The following KCNQ5 variants were observed in gnomAD, a reference collection of about 807,000 sequenced individuals.
KCNQ5 encodes the protein potassium voltage-gated channel subfamily Q member 5.
Under a neutral mutation model 98.2 loss-of-function variants are expected in KCNQ5, and 30 were observed. The ratio of observed to expected loss-of-function variants is 0.31; its 90% CI spans 0.23 to 0.41. The LOEUF is 0.41. Ranked by LOEUF, KCNQ5 falls within the 10% of genes least tolerant of loss-of-function variation. KCNQ5 has a pLI of 1.00. For missense variants in KCNQ5, 835 were observed against 1,182.5 expected (o/e 0.71, Z 4.31); for synonymous variants, 458 against 449.4 (o/e 1.02, Z -0.24).
intron 1 of KCNQ5, among the ~76,000 whole-genome samples, chr6:72,768,673 A>G (rs1409000417): frequency 6.6e-6 from 1 of 152,086 alleles, no homozygotes; most frequent in Non-Finnish European, 1.5e-5. Flanking sequence ...GTAGGTAAAA[A>G]TAAGTGGCCC....
intron 6 of KCNQ5, among the ~76,000 whole-genome samples, chr6:73,107,973 A>G (rs1775072679): frequency 6.8e-6 from 1 of 147,140 alleles, no homozygotes; most frequent in South Asian, 2.1e-4. Context: ...TCTGCCAACC[A>G]AAAGAGTTGT....
chr6:72,877,848 G>A (rs1003674966), intron 1 of KCNQ5, among the ~76,000 whole-genome samples: 2 of 152,236 alleles, frequency 1.3e-5, no homozygotes, highest in East Asian at 1.9e-4. Context: ...TTCATTGGCC[G>A]CAGATCTCAT....
chr6:72,752,468 C>T (rs1290964076), intron 1 of KCNQ5, among the ~76,000 whole-genome samples: 1 of 152,070 alleles, frequency 6.6e-6, no homozygotes, highest in African/African-American at 2.4e-5. Flanking sequence ...TAGGTAACAA[C>T]TATATCTCAA....
At chr6:72,712,517 T>G (rs573765728) in intron 1 of KCNQ5, among the ~76,000 whole-genome samples, 2 of 152,214 alleles carry the variant, frequency 1.3e-5, no homozygotes, top group Non-Finnish European at 2.9e-5. Flanking sequence ...TTGTGTAAGA[T>G]TTACCTCAGT....
At chr6:72,842,447 T>C (rs1582395532) in intron 1 of KCNQ5, among the ~76,000 whole-genome samples, 1 of 152,192 alleles carries the variant, frequency 6.6e-6, no homozygotes, top group East Asian at 1.9e-4. Flanking sequence ...ACCGTTATAG[T>C]AATCCTCATT....
chr6:73,097,996 T>C (rs971241662), intron 5 of KCNQ5, among the ~76,000 whole-genome samples: 1 of 151,972 alleles, frequency 6.6e-6, no homozygotes, highest in African/African-American at 2.4e-5. Flanking sequence ...AACCTCAAGA[T>C]AATCCAGGAA....
intron 1 of KCNQ5, among the ~76,000 whole-genome samples, chr6:72,928,562 C>G (rs1765544026): frequency 6.6e-6 from 1 of 152,010 alleles, no homozygotes; most frequent in South Asian, 2.1e-4. Context: ...AGATTGTAAG[C>G]AGAAGGCCCC....
intron 6 of KCNQ5, among the ~76,000 whole-genome samples, chr6:73,109,711 C>T (rs1260165305): frequency 6.6e-6 from 1 of 152,068 alleles, no homozygotes; most frequent in East Asian, 1.9e-4. Context: ...TTAGTTTGTA[C>T]AATCACAACC....
At position 72,700,182 on chromosome 6, in the gene KCNQ5, TCA is replaced by T. The variant is rs202096250; in HGVS notation, c.398+77598_398+77599del. On this transcript the variant is annotated intron_variant, in intron 1 of 13. Transcript: ENST00000370398. ...CCCAACTCTTAAATGGGCAGGAAGC[TCA>T]CATAACTCATAACTAACAAAGCTGG... Among the ~76,000 whole-genome samples the T allele has an allele frequency of 3.3e-3, 498 of 152,340 alleles. 1 individual carries two copies. Among genetic ancestry groups the T allele is most frequent in the African/African-American group, 0.011 (469 of 41,570 alleles).
intron 10 of KCNQ5, among the ~76,000 whole-genome samples, chr6:73,155,832 G>GT (rs1315860672): frequency 6.6e-6 from 1 of 152,108 alleles, no homozygotes; most frequent in East Asian, 1.9e-4. Flanking sequence ...GAAAAGCAAA[G>GT]TGAAAATAAA....
intron 1 of KCNQ5, among the ~76,000 whole-genome samples, chr6:72,860,756 A>G (rs1777729688): frequency 6.6e-6 from 1 of 152,088 alleles, no homozygotes; most frequent in Non-Finnish European, 1.5e-5. Flanking sequence ...ACTTTGAGGT[A>G]TGAATATAAC....
chr6:73,006,891 G>T (rs566912659), intron 2 of KCNQ5, among the ~76,000 whole-genome samples: 5 of 152,148 alleles, frequency 3.3e-5, no homozygotes, highest in African/African-American at 9.6e-5. Flanking sequence ...CAAGTGAAAG[G>T]CACCGACACT....
At chr6:73,026,379 C>CA (rs1375471788) in intron 2 of KCNQ5, among the ~76,000 whole-genome samples, 1 of 152,200 alleles carries the variant, frequency 6.6e-6, no homozygotes, top group Non-Finnish European at 1.5e-5. Flanking sequence ...CATTCACACT[C>CA]AGAGTTTTTG....
chr6:72,928,303 AC>A lies in KCNQ5; in HGVS notation c.399-75604del, dbSNP rs1326826557. 5.3e-5 allele frequency among the ~76,000 whole-genome samples: 8 copies of A among 152,182 alleles called. No homozygotes were observed. The East Asian group carries it at 1.5e-3, about 29-fold the overall frequency. On this transcript the variant is annotated intron_variant, in intron 1 of 13. Coordinates refer to ENST00000370398, the MANE Select transcript of KCNQ5 (RefSeq NM_019842.4). The stretch of plus-strand genomic sequence containing the variant: ...TTGAGTACTCTTTGAATTTAGAAAA[AC>A]AAGGGTACTAAAATATGCCCAGTGA...
chr6:73,166,440 TA>T (rs5877356), intron 10 of KCNQ5, among the ~76,000 whole-genome samples: 85,925 of 138,532 alleles, frequency 0.62, 25,623 homozygotes, highest in African/African-American at 0.69. Context: ...TGTCTCAAAA[TA>T]AAAAAAAAAA....
At chr6:72,962,182 AATATATATATATATAT>A (rs369197941) in intron 1 of KCNQ5, among the ~76,000 whole-genome samples, 1 of 129,284 alleles carries the variant, frequency 7.7e-6, no homozygotes, top group Non-Finnish European at 1.6e-5. Flanking sequence ...TGTTTCTCTA[AATATATATATATATAT>A]ATACATATAT....
intron 1 of KCNQ5, among the ~76,000 whole-genome samples, chr6:72,839,887 A>G (rs532565398): frequency 1.1e-3 from 165 of 152,310 alleles, no homozygotes; most frequent in African/African-American, 3.8e-3. Context: ...CATAGATCTC[A>G]AAAACTTATT....
chr6:72,624,630 T>C (rs1398897046), intron 1 of KCNQ5, among the ~76,000 whole-genome samples: 4 of 152,244 alleles, frequency 2.6e-5, no homozygotes, highest in Non-Finnish European at 2.9e-5. Flanking sequence ...CTACCAGGCT[T>C]TATCAGTCTA....
chr6:73,015,314 G>A (rs571036103), intron 2 of KCNQ5, among the ~76,000 whole-genome samples: 130 of 152,052 alleles, frequency 8.5e-4, no homozygotes, highest in African/African-American at 2.9e-3. Flanking sequence ...AGAGACTAAC[G>A]ACCCTCATCA....
Sources: allele counts gnomAD v4.1 joint callset (sites outside exome capture counted in the v4.1 genomes callset), GRCh38; gene constraint gnomAD v4.1.1; transcripts MANE v1.5; gene names NCBI Gene and HGNC (gene_info 2026-07-23, HGNC 2026-07-21).